Variants in ATPSCKMT observed in about 807,000 individuals in gnomAD.
The protein encoded by ATPSCKMT is ATP synthase c subunit lysine N-methyltransferase.
In ATPSCKMT, 24 loss-of-function variants were observed where a neutral mutation model predicts 24.3. The ratio of observed to expected loss-of-function variants is 0.99; its 90% confidence interval spans 0.71 to 1.39. The LOEUF (loss-of-function observed/expected upper bound fraction) is 1.39, where lower values mean the gene tolerates loss of function less well. Ranked by LOEUF, ATPSCKMT falls within the 40% of genes most tolerant of loss-of-function variation. ATPSCKMT has a pLI of 0.00. For synonymous variants in ATPSCKMT, 95 were observed against 110.5 expected (o/e 0.86, Z 0.88); for missense variants, 311 against 298.4 (o/e 1.04, Z -0.31).
At chr5:10,242,762 C>T (rs1361582136) in intron 1 of ATPSCKMT, among the ~76,000 whole-genome samples, 1 of 152,196 alleles carries the variant, frequency 6.6e-6, no homozygotes, top group Non-Finnish European at 1.5e-5. Flanking sequence ...CAAAATTACC[C>T]CCTTGATCCT....
At chr5:10,249,141 T>A (rs1328662582) in intron 1 of ATPSCKMT, among the ~76,000 whole-genome samples, 1 of 151,730 alleles carries the variant, frequency 6.6e-6, no homozygotes, top group East Asian at 1.9e-4. Context: ...GGTGGTTCTG[T>A]GCCTGTAGTC....
intron 1 of ATPSCKMT, among the ~76,000 whole-genome samples, chr5:10,240,866 A>G (rs1337012200): frequency 6.6e-6 from 1 of 151,836 alleles, no homozygotes; most frequent in Non-Finnish European, 1.5e-5. Flanking sequence ...GTGGTGGTGC[A>G]TGCTTGTAGT....
At chr5:10,249,190 A>C (rs1745147241) in intron 1 of ATPSCKMT, among the ~76,000 whole-genome samples, 1 of 148,490 alleles carries the variant, frequency 6.7e-6, no homozygotes, top group African/African-American at 2.5e-5. Context: ...AATCACTGGA[A>C]CCCGGGAGGC....
In ATPSCKMT at chr5:10,226,852, A is replaced by G. The variant is rs1743902836; in HGVS notation, c.*589T>C. 1 of 152,932 alleles carries G rather than the reference A, an allele frequency of 6.5e-6. No individual in the cohort carries two copies. Among genetic ancestry groups the G allele is most frequent in the Non-Finnish European group, 1.5e-5 (1 of 68,592 alleles). 9.5% of individuals were successfully genotyped at this position (152,932 alleles called of 1,614,324 possible). A position where few individuals can be genotyped will look rare whatever the true frequency, so the allele number is the denominator to read the frequency against. On this transcript the variant is annotated 3_prime_UTR_variant, in exon 5 of 5. Coordinates refer to ENST00000511437, the MANE Select transcript of ATPSCKMT (RefSeq NM_199133.4). ...GATGACAAAACTGGAATCTGAACCC[A>G]CGTCAGGCTTACATTTACACATACA...
chr5:10,227,510 T>C lies in ATPSCKMT; in HGVS notation c.633A>G (p.Ala211=), dbSNP rs1244044495. 6.2e-7 allele frequency: 1 copy of C among 1,614,092 alleles called. No homozygotes were observed. The highest frequency in any genetic ancestry group is 8.5e-7 in the Non-Finnish European group (1 of 1,180,050). The change falls in exon 5 of 5, where the codon GCA becomes GCG. Residue 211 remains alanine (A), a synonymous_variant. Transcript: ENST00000511437. The part of the protein sequence containing the change: ...EGIDTVWAYD[A]STFRGREKRP... ...TCTTTTCACGGCCTCTAAAAGTGCT[T>C]GCATCATATGCCCACACTGTGTCTA...
chr5:10,236,735 T>C (rs570311876), intron 2 of ATPSCKMT, 120 bp from the exon 3 acceptor site: 15 of 1,479,394 alleles, frequency 1.0e-5, no homozygotes, highest in Non-Finnish European at 1.3e-5. Flanking sequence ...CTCCCGTGAC[T>C]AAGACATCAT....
intron 4 of ATPSCKMT, among the ~76,000 whole-genome samples, chr5:10,233,029 C>A (rs1032585713): frequency 6.6e-6 from 1 of 152,224 alleles, no homozygotes; most frequent in African/African-American, 2.4e-5. Context: ...TAGGGCACCT[C>A]TGATTTTGAG....
intron 1 of ATPSCKMT, among the ~76,000 whole-genome samples, chr5:10,240,352 G>C (rs1327643597): frequency 6.6e-6 from 1 of 152,134 alleles, no homozygotes; most frequent in African/African-American, 2.4e-5. Flanking sequence ...ATATCCTTTT[G>C]AGATTTGTCC....
At chr5:10,232,062 A>T (rs188446264) in intron 4 of ATPSCKMT, among the ~76,000 whole-genome samples, 117 of 152,248 alleles carry the variant, frequency 7.7e-4, no homozygotes, top group African/African-American at 2.7e-3. Flanking sequence ...CATCAGCCGG[A>T]CATGGTGGCA....
In ATPSCKMT at chr5:10,239,312, C is replaced by T. The variant is rs774196241; in HGVS notation, c.61G>A (p.Val21Ile). The T allele has an allele frequency of 3.7e-6, 6 of 1,614,130 alleles. No individual in the cohort carries two copies. Among genetic ancestry groups the T allele is most frequent in the Non-Finnish European group, 4.2e-6 (5 of 1,180,030 alleles). The change falls in exon 2 of 5, where the codon GTT (valine) becomes ATT (isoleucine). Residue 21 changes from valine to isoleucine, a missense_variant. Physicochemically the swap from Val to Ile is conservative, Grantham distance 29 (BLOSUM62 3). Transcript: ENST00000511437. ...TTGACTTCAAAACTTGCAGGTAGAA[C>T]ATGTCTTGACTGACTTTCTTCTTTA... ...TLKEESQSRH[V>I]LPASFEVNSL...
rs1232209877 is a variant in ATPSCKMT, at chr5:10,235,291, T to C, written c.445-30A>G. On this transcript the variant is annotated intron_variant, in intron 3 of 4. Coordinates refer to ENST00000511437, the MANE Select transcript of ATPSCKMT (RefSeq NM_199133.4). ...ACAAGGTGGGAAAATAATCAGTAGA[T>C]TAAGTGCAAAAAGCCAAACGTGAAG... The C allele has an allele frequency of 3.1e-6, 5 of 1,603,438 alleles. No individual in the cohort carries two copies. The East Asian group carries it at 9.0e-5, about 29-fold the overall frequency.
intron 1 of ATPSCKMT, among the ~76,000 whole-genome samples, chr5:10,246,497 G>T (rs941984201): frequency 6.6e-6 from 1 of 152,088 alleles, no homozygotes; most frequent in African/African-American, 2.4e-5. Context: ...GGACTTAAAG[G>T]AATGGAATTG....
chr5:10,231,250 G>A (rs1214103583), intron 4 of ATPSCKMT, among the ~76,000 whole-genome samples: 1 of 152,080 alleles, frequency 6.6e-6, no homozygotes, highest in Non-Finnish European at 1.5e-5. Context: ...CCCAACGTTA[G>A]ATCTGCCAGC....
intron 2 of ATPSCKMT, among the ~76,000 whole-genome samples, chr5:10,237,692 T>C (rs571614274): frequency 6.6e-6 from 1 of 152,292 alleles, no homozygotes; most frequent in East Asian, 1.9e-4. Context: ...CCTCTTTCTT[T>C]TGTAAACTGC....
chr5:10,245,276 C>T (rs187578791), intron 1 of ATPSCKMT, among the ~76,000 whole-genome samples: 2 of 151,838 alleles, frequency 1.3e-5, no homozygotes, highest in Admixed American at 6.6e-5. Flanking sequence ...AAAAATTAGC[C>T]GGGCATGGTG....
rs916677587 is a variant in ATPSCKMT, at chr5:10,249,719, A to G, written c.16+139T>C. ...GGCGACCAGGAGCTCTGGTCACCGAAGGCCAGGCTGGAGGCCAGAGCAGCC... is the reference window on the plus strand; with the variant it reads ...GGCGACCAGGAGCTCTGGTCACCGAGGGCCAGGCTGGAGGCCAGAGCAGCC... On this transcript the variant is annotated intron_variant, in intron 1 of 4. Transcript: ENST00000511437. The G allele has an allele frequency of 2.2e-6, 3 of 1,342,966 alleles. No homozygotes were observed. The African/African-American group carries it at 4.6e-5, about 20-fold the overall frequency. The allele number at this position is 1,342,966 out of a possible 1,614,324, so 83.2% of individuals were successfully genotyped here. A position where few individuals can be genotyped will look rare whatever the true frequency, so the allele number is the denominator to read the frequency against.
At chr5:10,229,913 C>T (rs1744045651) in intron 4 of ATPSCKMT, among the ~76,000 whole-genome samples, 1 of 152,338 alleles carries the variant, frequency 6.6e-6, no homozygotes, top group South Asian at 2.1e-4. Context: ...GTGAGCACTC[C>T]TTACATTCAG....
At chr5:10,234,321 C>G (rs1243193210) in intron 4 of ATPSCKMT, among the ~76,000 whole-genome samples, 1 of 151,510 alleles carries the variant, frequency 6.6e-6, no homozygotes, top group African/African-American at 2.4e-5. Context: ...GAACAAGACC[C>G]TGGCTCAAAA....
At position 10,227,836 on chromosome 5, in the gene ATPSCKMT, T is replaced by A. The variant is rs185133683; in HGVS notation, c.496-189A>T. ...ACAGAAGATACACTGACAGCAGTTGTAAGAACACCTTCTAGTATTAATTAT... is the reference window on the plus strand; with the variant it reads ...ACAGAAGATACACTGACAGCAGTTGAAAGAACACCTTCTAGTATTAATTAT... On this transcript the variant is annotated intron_variant, in intron 4 of 4. Transcript: ENST00000511437. 7.9e-5 allele frequency among the ~76,000 whole-genome samples: 12 copies of A among 152,334 alleles called. No individual in the cohort carries two copies. In the East Asian group the frequency reaches 2.3e-3, roughly 29 times the overall value.
Sources: allele counts gnomAD v4.1 joint callset (sites outside exome capture counted in the v4.1 genomes callset), GRCh38; gene constraint gnomAD v4.1.1; transcripts MANE v1.5; gene names NCBI Gene and HGNC (gene_info 2026-07-23, HGNC 2026-07-21).